The following ZNF114 variants were observed in gnomAD, a reference collection of about 807,000 sequenced individuals.
ZNF114 encodes the protein zinc finger protein 114.
A neutral mutation model predicts 6.8 loss-of-function variants in ZNF114; 8 were observed. That is an observed-to-expected ratio of 1.18 (90% confidence interval 0.69 to 2.13). The LOEUF is 2.13. Ranked by LOEUF, ZNF114 falls within the 30% of genes most tolerant of loss-of-function variation. The pLI, the probability that ZNF114 is intolerant of heterozygous loss-of-function variation, is 0.00. For missense variants in ZNF114, 472 were observed against 519.5 expected, an observed-to-expected ratio of 0.91 and a Z score of 0.89; for synonymous variants, 169 against 185.5, an observed-to-expected ratio of 0.91 and a Z score of 0.72.
chr19:48,277,519 A>G (rs1276417440), intron 3 of ZNF114, among the ~76,000 whole-genome samples: 1 of 151,950 alleles, frequency 6.6e-6, no homozygotes, highest in Non-Finnish European at 1.5e-5. Context: ...CTGTCTGGGT[A>G]TCATTATGAG....
At chr19:48,285,401 G>A (rs1336798169) in intron 5 of ZNF114, among the ~76,000 whole-genome samples, 1 of 152,032 alleles carries the variant, frequency 6.6e-6, no homozygotes, top group Non-Finnish European at 1.5e-5. Flanking sequence ...AGGAAGCTGA[G>A]GCCAGAGAAT....
At chr19:48,277,672 G>A (rs1967871551) in intron 3 of ZNF114, among the ~76,000 whole-genome samples, 1 of 152,244 alleles carries the variant, frequency 6.6e-6, no homozygotes, top group South Asian at 2.1e-4. Context: ...ATCTGGCACC[G>A]CAAGGCTCAC....
At position 48,282,487 on chromosome 19, in the gene ZNF114, G is replaced by A; in HGVS notation, c.126G>A (p.Leu42=). 1 of 1,608,238 alleles carries A rather than the reference G, an allele frequency of 6.2e-7. No homozygotes were observed. The highest frequency in any genetic ancestry group is 8.5e-7 in the Non-Finnish European group (1 of 1,176,008). The change falls in exon 5 of 6, where the codon TTG becomes TTA. Residue 42 remains leucine, a synonymous_variant. Coordinates refer to ENST00000595607, the MANE Select transcript of ZNF114 (RefSeq NM_153608.4). ...TGATGCTGGAAAATTCTAGGAACTT[G>A]GCATTCATAGGTAAGGAGGCCCCCT... ...RDVMLENSRN[L]AFIDWATPCK...
chr19:48,278,404 T>C (rs1406626065), intron 3 of ZNF114, among the ~76,000 whole-genome samples: 3 of 152,234 alleles, frequency 2.0e-5, no homozygotes, highest in Admixed American at 6.5e-5. Flanking sequence ...TCTGATCTGC[T>C]TTCTGTCTCT....
intron 3 of ZNF114, among the ~76,000 whole-genome samples, chr19:48,279,472 GT>G (rs1403631752): frequency 8.7e-6 from 1 of 115,478 alleles, no homozygotes; most frequent in African/African-American, 3.5e-5. Context: ...ATGGGGGTGT[GT>G]GGGTGTGTGT....
chr19:48,283,387 T>G (rs1968042387), intron 5 of ZNF114, among the ~76,000 whole-genome samples: 1 of 152,196 alleles, frequency 6.6e-6, no homozygotes, highest in Non-Finnish European at 1.5e-5. Context: ...CTGTGTCCAT[T>G]TGACAGAAAG....
At chr19:48,280,417 T>C (rs1214491320) in intron 4 of ZNF114, among the ~76,000 whole-genome samples, 5 of 151,638 alleles carry the variant, frequency 3.3e-5, no homozygotes, top group Non-Finnish European at 5.9e-5. Flanking sequence ...AAAGAAAGTG[T>C]TTTTGTCTTA....
intron 4 of ZNF114, 138 bp from the exon 5 acceptor site, chr19:48,282,233 C>A: frequency 8.3e-7 from 1 of 1,202,184 alleles, no homozygotes; most frequent in South Asian, 1.4e-5. Flanking sequence ...TCTGCAAAGA[C>A]TCTAGTTCAC....
chr19:48,284,017 AGCCACT>A (rs550944634), intron 5 of ZNF114, among the ~76,000 whole-genome samples: 201 of 152,260 alleles, frequency 1.3e-3, no homozygotes, highest in Non-Finnish European at 2.2e-3. Flanking sequence ...TACAGGCATG[AGCCACT>A]GCTCTCATTT....
Position 48,286,186 on chromosome 19 carries a change from C to G in ZNF114, c.562C>G (p.Pro188Ala). 6.2e-7 allele frequency: 1 copy of G among 1,614,118 alleles called. No individual in the cohort carries two copies. The highest frequency in any genetic ancestry group is 8.5e-7 in the Non-Finnish European group (1 of 1,180,030). The change falls in exon 6 of 6, where the codon CCG becomes GCG. Residue 188 changes from proline to alanine, a missense_variant. Coordinates refer to ENST00000595607, the MANE Select transcript of ZNF114 (RefSeq NM_153608.4). Reference sequence around the variant, plus strand: ...CTTGGGGTGGAACATTCAGTGGGTTCCGTGTGGGAGAAAAACAGAGCTGAA... The same window carrying G: ...CTTGGGGTGGAACATTCAGTGGGTTGCGTGTGGGAGAAAAACAGAGCTGAA... ...GVLGWNIQWVPCGRKTELKSS... is the reference protein window; with the variant it reads ...GVLGWNIQWVACGRKTELKSS...
chr19:48,272,673 C>CAAAAAAAAAAA lies in ZNF114; in HGVS notation c.-70+860_-70+870dup, dbSNP rs57823987. ...TGGGCGACAGAGCAAGACTCTCTCT[C>CAAAAAAAAAAA]AAAAAAAAAAAAAAAAAAAAAAAAA... On this transcript the variant is annotated intron_variant, in intron 3 of 5. Coordinates refer to ENST00000595607, the MANE Select transcript of ZNF114 (RefSeq NM_153608.4). 6.5e-3 allele frequency among the ~76,000 whole-genome samples: 254 copies of CAAAAAAAAAAA among 39,228 alleles called. 31 individuals are homozygous for CAAAAAAAAAAA. The highest frequency in any genetic ancestry group is 0.012 in the South Asian group (8 of 692). The allele number at this position is 39,228 out of a possible 152,430, so 25.7% of individuals were successfully genotyped here.
At position 48,287,093 on chromosome 19, in the gene ZNF114, A is replaced by T; in HGVS notation, c.*215A>T. On this transcript the variant is annotated 3_prime_UTR_variant, in exon 6 of 6. Coordinates refer to ENST00000595607, the MANE Select transcript of ZNF114 (RefSeq NM_153608.4). ...GAGTAGACATTTGTTCTCACCCTGG[A>T]GAGAAACTGCGAATCTAAAAGGAAT... is the stretch of plus-strand genomic sequence containing the variant. 1 of 428,486 alleles carries T rather than the reference A, an allele frequency of 2.3e-6. No homozygotes were observed. Among genetic ancestry groups the T allele is most frequent in the Non-Finnish European group, 4.0e-6 (1 of 250,858 alleles). The allele number at this position is 428,486 out of a possible 1,614,324, so 26.5% of individuals were successfully genotyped here. A position where few individuals can be genotyped will look rare whatever the true frequency, so the allele number is the denominator to read the frequency against.
At position 48,286,073 on chromosome 19, in the gene ZNF114, T is replaced by C; in HGVS notation, c.449T>C (p.Ile150Thr). 1 of 1,614,030 alleles carries C rather than the reference T, an allele frequency of 6.2e-7. No homozygotes were observed. The highest frequency in any genetic ancestry group is 1.6e-4 in the Middle Eastern group (1 of 6,062). ...PSQGDSIRQC[I>T]LTRDSSIFKY... ...CAGGGAGATTCCATAAGACAATGTA[T>C]CCTAACACGTGACTCAAGTATTTTC... The change falls in exon 6 of 6, where the codon ATC becomes ACC. Residue 150 changes from isoleucine (I) to threonine (T), a missense_variant. Transcript: ENST00000595607.
At position 48,282,431 on chromosome 19, in the gene ZNF114, G is replaced by C. The variant is rs920825425; in HGVS notation, c.70G>C (p.Asp24His). 1 of 1,613,538 alleles carries C rather than the reference G, an allele frequency of 6.2e-7. No homozygotes were observed. The highest frequency in any genetic ancestry group is 8.5e-7 in the Non-Finnish European group (1 of 1,179,678). The part of the protein sequence containing the change: ...NFTKEEWTLL[D>H]PAQRNLYRDV... Reference sequence around the variant, plus strand: ...CACCAAAGAGGAGTGGACCCTGCTGGACCCAGCTCAGAGGAATCTCTACAG... The same window carrying C: ...CACCAAAGAGGAGTGGACCCTGCTGCACCCAGCTCAGAGGAATCTCTACAG... Residue 24 changes from aspartate to histidine, a missense_variant, in exon 5 of 6, where the codon GAC (aspartate) becomes CAC (histidine). Coordinates refer to ENST00000595607, the MANE Select transcript of ZNF114 (RefSeq NM_153608.4).
rs1175879881 is a variant in ZNF114, at chr19:48,270,446, AAGGG to A, written c.-377+240_-377+243del. Among the ~76,000 whole-genome samples, 29 of 137,390 alleles carry A rather than the reference AAGGG, an allele frequency of 2.1e-4. 1 individual carries two copies. In the South Asian group the frequency reaches 5.8e-3, roughly 28 times the overall value. 90.1% of individuals were successfully genotyped at this position (137,390 alleles called of 152,430 possible). A position where few individuals can be genotyped will look rare whatever the true frequency, so the allele number is the denominator to read the frequency against. On this transcript the variant is annotated intron_variant, in intron 1 of 5. Transcript: ENST00000595607. ...AAAGGAAAAAAATAAAAAAGGAAGG[AAGGG>A]AGGGAGGGAGGGGCAGAGAGGGAGA... is the stretch of plus-strand genomic sequence containing the variant.
chr19:48,280,408 AAG>A (rs956396032), intron 4 of ZNF114, among the ~76,000 whole-genome samples: 1 of 151,860 alleles, frequency 6.6e-6, no homozygotes, highest in Non-Finnish European at 1.5e-5. Context: ...GTAAAATAAA[AAG>A]AAAGTGTTTT....
chr19:48,282,554 C>T, intron 5 of ZNF114, 57 bp downstream of exon 5: 3 of 1,553,682 alleles, frequency 1.9e-6, no homozygotes, highest in South Asian at 2.4e-5. Context: ...TGGTTTGGAA[C>T]CGTGTTCTGG....
In ZNF114 at chr19:48,284,494, A is replaced by G. The variant is rs796676158; in HGVS notation, c.137-1267A>G. 2.0e-5 allele frequency among the ~76,000 whole-genome samples: 3 copies of G among 152,156 alleles called. No homozygotes were observed. In the East Asian group the frequency reaches 5.8e-4, roughly 29 times the overall value. On this transcript the variant is annotated intron_variant, in intron 5 of 5. Coordinates refer to ENST00000595607, the MANE Select transcript of ZNF114 (RefSeq NM_153608.4). ...TGCCCAGGCTGGAGTGCAGTGGCTC[A>G]GTCTCAGCTCACTGCAATCTCTGCC...
chr19:48,274,506 ATT>A (rs869126962), intron 3 of ZNF114, among the ~76,000 whole-genome samples: 520 of 17,066 alleles, frequency 0.03, 3 homozygotes, highest in African/African-American at 0.066. Flanking sequence ...ATATATATAT[ATT>A]TTTTTTTTTT....
Sources: allele counts gnomAD v4.1 joint callset (sites outside exome capture counted in the v4.1 genomes callset), GRCh38; gene constraint gnomAD v4.1.1; transcripts MANE v1.5; gene names NCBI Gene and HGNC (gene_info 2026-07-23, HGNC 2026-07-21).